The following ARHGEF7 variants were observed in gnomAD, a reference collection of about 807,000 sequenced individuals.
ARHGEF7 encodes PAK-interacting exchange factor beta.
In ARHGEF7, 33 loss-of-function variants were observed where a neutral mutation model predicts 109.8. The ratio of observed to expected loss-of-function variants is 0.30; its 90% CI spans 0.23 to 0.40. The LOEUF is 0.40. ARHGEF7 is among the 10% of genes least tolerant of loss of function. The pLI, the probability that ARHGEF7 is intolerant of heterozygous loss-of-function variation, is 1.00. For missense variants in ARHGEF7, 938 were observed against 1,098.5 expected (o/e 0.85, Z 2.07); for synonymous variants, 458 against 424.6 (o/e 1.08, Z -0.97).
At chr13:111,293,968 A>C (rs994691029) in intron 19 of ARHGEF7, 2 of 985,330 alleles carry the variant, frequency 2.0e-6, no homozygotes, top group African/African-American at 3.5e-5. Flanking sequence ...GAACAAGCTA[A>C]TGGCACAGGA....
At chr13:111,280,769 A>G (rs1396525332) in intron 15 of ARHGEF7, 92 bp downstream of exon 15, 2 of 1,354,202 alleles carry the variant, frequency 1.5e-6, no homozygotes, top group Non-Finnish European at 2.0e-6. Flanking sequence ...TTAAAACCTA[A>G]TCAATATTTG....
At chr13:111,241,685 C>A (rs1051398601) in intron 6 of ARHGEF7, among the ~76,000 whole-genome samples, 1 of 152,098 alleles carries the variant, frequency 6.6e-6, no homozygotes, top group Admixed American at 6.6e-5. Flanking sequence ...GTATTTTATT[C>A]TTCTCATATT....
At chr13:111,229,874 G>A (rs765143753) in intron 5 of ARHGEF7, among the ~76,000 whole-genome samples, 4 of 152,188 alleles carry the variant, frequency 2.6e-5, no homozygotes, top group Admixed American at 1.3e-4. Flanking sequence ...CTGTGCCCCC[G>A]TCTGTGAGCA....
chr13:111,279,202 T>C (rs2092652768), intron 13 of ARHGEF7, among the ~76,000 whole-genome samples: 1 of 152,226 alleles, frequency 6.6e-6, no homozygotes, highest in Admixed American at 6.5e-5. Flanking sequence ...TGTGTAGCAT[T>C]TTTTAAATAC....
chr13:111,271,713 T>A (rs1294589869), intron 9 of ARHGEF7, among the ~76,000 whole-genome samples: 1 of 152,226 alleles, frequency 6.6e-6, no homozygotes, highest in African/African-American at 2.4e-5. Flanking sequence ...GTGCTACTAA[T>A]TTTTAAAACA....
chr13:111,277,737 ATT>A (rs2092567289), intron 13 of ARHGEF7, 64 bp downstream of exon 13: 1 of 1,172,492 alleles, frequency 8.5e-7, no homozygotes, highest in East Asian at 2.4e-5. Flanking sequence ...CTGGCTTTGA[ATT>A]TTGTGTTAAA....
intron 1 of ARHGEF7, among the ~76,000 whole-genome samples, chr13:111,149,364 T>C (rs773375815): frequency 2.0e-5 from 3 of 152,246 alleles, no homozygotes; most frequent in Admixed American, 6.5e-5. Flanking sequence ...GTACTCATAA[T>C]AGTTGTGTTA....
chr13:111,296,301 CT>C (rs1221666286), intron 19 of ARHGEF7, among the ~76,000 whole-genome samples: 1 of 152,188 alleles, frequency 6.6e-6, no homozygotes, highest in Non-Finnish European at 1.5e-5. Flanking sequence ...AAGTTTTGTG[CT>C]CATGTTAACA....
intron 8 of ARHGEF7, among the ~76,000 whole-genome samples, chr13:111,246,994 G>A (rs536127847): frequency 6.6e-6 from 1 of 152,156 alleles, no homozygotes; most frequent in Non-Finnish European, 1.5e-5. Flanking sequence ...CAGTCCTTAT[G>A]TTATCTCAGA....
intron 8 of ARHGEF7, among the ~76,000 whole-genome samples, chr13:111,261,240 TAA>T (rs1350932143): frequency 2.0e-5 from 3 of 151,800 alleles, no homozygotes; most frequent in African/African-American, 7.3e-5. Flanking sequence ...CAATGATCTA[TAA>T]AGACACCTAT....
intron 1 of ARHGEF7, among the ~76,000 whole-genome samples, chr13:111,134,261 A>G (rs1356997068): frequency 6.6e-6 from 1 of 152,154 alleles, no homozygotes; most frequent in African/African-American, 2.4e-5. Context: ...ATACGTGTGC[A>G]TGTGTCTTTA....
intron 5 of ARHGEF7, among the ~76,000 whole-genome samples, chr13:111,232,452 C>T (rs563340426): frequency 6.6e-6 from 1 of 152,218 alleles, no homozygotes; most frequent in South Asian, 2.1e-4. Flanking sequence ...CATTGGTAGA[C>T]AGGCCCACCC....
At chr13:111,223,080 A>C (rs950895040) in intron 5 of ARHGEF7, among the ~76,000 whole-genome samples, 1 of 152,242 alleles carries the variant, frequency 6.6e-6, no homozygotes, top group Non-Finnish European at 1.5e-5. Flanking sequence ...ATGGGAAAAC[A>C]TAGTATATAT....
chr13:111,218,877 A>G (rs2083464414), intron 5 of ARHGEF7, among the ~76,000 whole-genome samples: 1 of 152,170 alleles, frequency 6.6e-6, no homozygotes, highest in African/African-American at 2.4e-5. Flanking sequence ...TGGGAATATG[A>G]CAATTTTGAT....
At chr13:111,280,422 T>G in intron 14 of ARHGEF7, 72 bp downstream of exon 14, 1 of 1,587,926 alleles carries the variant, frequency 6.3e-7, no homozygotes, top group Non-Finnish European at 8.6e-7. Context: ...TGCAGATTCT[T>G]GCTTGCGTAT....
chr13:111,261,259 G>C (rs1035353534), intron 8 of ARHGEF7, among the ~76,000 whole-genome samples: 1 of 151,870 alleles, frequency 6.6e-6, no homozygotes, highest in African/African-American at 2.4e-5. Flanking sequence ...CTATAGACTG[G>C]AAATAAAGGA....
At chr13:111,291,130 A>G (rs2093264131) in intron 18 of ARHGEF7, among the ~76,000 whole-genome samples, 1 of 152,208 alleles carries the variant, frequency 6.6e-6, no homozygotes, top group Non-Finnish European at 1.5e-5. Context: ...ATTTGATAGA[A>G]GCAGGAGTAG....
At chr13:111,186,641 T>C (rs1256995560) in intron 2 of ARHGEF7, among the ~76,000 whole-genome samples, 1 of 152,244 alleles carries the variant, frequency 6.6e-6, no homozygotes, top group Non-Finnish European at 1.5e-5. Flanking sequence ...ACAAGTTCCA[T>C]TTGACAGTGA....
At chr13:111,193,893 A>G (rs2080191203) in intron 2 of ARHGEF7, among the ~76,000 whole-genome samples, 1 of 152,216 alleles carries the variant, frequency 6.6e-6, no homozygotes, top group African/African-American at 2.4e-5. Flanking sequence ...GAAAAGTGGC[A>G]GGGTTGAGGG....
Sources: allele counts gnomAD v4.1 joint callset (sites outside exome capture counted in the v4.1 genomes callset), GRCh38; gene constraint gnomAD v4.1.1; transcripts MANE v1.5; gene names NCBI Gene and HGNC (gene_info 2026-07-23, HGNC 2026-07-21).